GRM1: variants seen among roughly 807,000 people sequenced by gnomAD.
The protein encoded by GRM1 is glutamate metabotropic receptor 1.
A neutral mutation model predicts 90.9 loss-of-function variants in GRM1; 33 were observed. The observed-to-expected ratio is 0.36, with a 90% CI of 0.28 to 0.49. The LOEUF (loss-of-function observed/expected upper bound fraction) is 0.49. GRM1 is among the 20% of genes least tolerant of loss of function. The pLI is 0.99. For synonymous variants in GRM1, 700 were observed against 613.2 expected (o/e 1.14, Z -2.09); for missense variants, 1,190 against 1,534.3 (o/e 0.78, Z 3.75).
At chr6:146,324,677 G>A (rs112412563) in intron 3 of GRM1, among the ~76,000 whole-genome samples, 1,667 of 152,066 alleles carry the variant, frequency 0.011, 20 homozygotes, top group African/African-American at 0.039. Context: ...GCTAGGGGAG[G>A]GAGTTCCCTG....
chr6:146,052,265 A>G (rs1461427848), intron 1 of GRM1, among the ~76,000 whole-genome samples: 2 of 152,006 alleles, frequency 1.3e-5, no homozygotes, highest in African/African-American at 4.8e-5. Flanking sequence ...TTAGTCATTT[A>G]TGGGCCATAA....
At chr6:146,373,743 A>T (rs1775990631) in intron 5 of GRM1, among the ~76,000 whole-genome samples, 1 of 152,142 alleles carries the variant, frequency 6.6e-6, no homozygotes, top group Admixed American at 6.6e-5. Context: ...ATTGGTATAT[A>T]AGTTCTAATA....
intron 2 of GRM1, among the ~76,000 whole-genome samples, chr6:146,223,269 A>C (rs576244702): frequency 9.9e-5 from 15 of 152,248 alleles, no homozygotes; most frequent in South Asian, 6.2e-4. Context: ...TCTTATCTAA[A>C]TAACATCTAA....
chr6:146,266,604 A>C (rs1033479113), intron 2 of GRM1, among the ~76,000 whole-genome samples: 1 of 152,160 alleles, frequency 6.6e-6, no homozygotes, highest in Non-Finnish European at 1.5e-5. Flanking sequence ...CTTATCTCCA[A>C]CCACACTCCC....
chr6:146,287,638 A>G (rs77665613), intron 2 of GRM1, among the ~76,000 whole-genome samples: 2,791 of 152,308 alleles, frequency 0.018, 36 homozygotes, highest in Admixed American at 0.027. Context: ...GACCCAACTC[A>G]TGTTTACAAC....
chr6:146,255,773 C>T (rs143760718), intron 2 of GRM1, among the ~76,000 whole-genome samples: 1 of 152,232 alleles, frequency 6.6e-6, no homozygotes, highest in East Asian at 1.9e-4. Context: ...GCTACCATTC[C>T]ATAACTCCAT....
At chr6:146,172,978 C>G (rs183819957) in intron 2 of GRM1, among the ~76,000 whole-genome samples, 1 of 152,150 alleles carries the variant, frequency 6.6e-6, no homozygotes. Context: ...GGCGACATTT[C>G]TTCCTCTGAC....
intron 2 of GRM1, among the ~76,000 whole-genome samples, chr6:146,291,144 A>T (rs367979177): frequency 6.6e-4 from 100 of 152,136 alleles, no homozygotes; most frequent in African/African-American, 2.2e-3. Context: ...AAATTATGTT[A>T]GTTGGTTTCT....
At chr6:146,241,950 T>G (rs1269951151) in intron 2 of GRM1, among the ~76,000 whole-genome samples, 3 of 152,150 alleles carry the variant, frequency 2.0e-5, no homozygotes, top group African/African-American at 7.2e-5. Flanking sequence ...CAGGGAAGCC[T>G]TAGGCTTCTA....
intron 3 of GRM1, among the ~76,000 whole-genome samples, chr6:146,323,684 G>A (rs1188769057): frequency 6.6e-6 from 1 of 152,060 alleles, no homozygotes; most frequent in Non-Finnish European, 1.5e-5. Flanking sequence ...TGTCCTGAAT[G>A]GTATTGCCTA....
intron 7 of GRM1, among the ~76,000 whole-genome samples, chr6:146,403,067 T>G (rs1777214322): frequency 6.6e-6 from 1 of 152,142 alleles, no homozygotes; most frequent in African/African-American, 2.4e-5. Context: ...TCAGTAGACT[T>G]TAAAATATTG....
At chr6:146,105,538 TC>T (rs1777198003) in intron 1 of GRM1, among the ~76,000 whole-genome samples, 1 of 152,160 alleles carries the variant, frequency 6.6e-6, no homozygotes, top group Admixed American at 6.6e-5. Context: ...CATAAATGAT[TC>T]CTAGAAACTT....
At chr6:146,322,609 A>ATTTTATTTTATTTTATTTTTTT (rs1176762345) in intron 3 of GRM1, among the ~76,000 whole-genome samples, 1 of 150,268 alleles carries the variant, frequency 6.7e-6, no homozygotes, top group Admixed American at 6.6e-5. Context: ...ATTTTATTTT[A>ATTTTATTTTATTTTATTTTTTT]TTATTGTTAT....
Position 146,187,738 on chromosome 6 carries a change from C to CATATATATATAT in GRM1, c.950+28147_950+28158dup, listed in dbSNP as rs10656760. ...ATATCTACAACAACTAGGCACAAAA[C>CATATATATATAT]ATATATATATATATATAAAATTAGC... is the stretch of plus-strand genomic sequence containing the variant. On this transcript the variant is annotated intron_variant, in intron 2 of 7. Transcript: ENST00000282753. 1.7e-3 allele frequency among the ~76,000 whole-genome samples: 259 copies of CATATATATATAT among 148,520 alleles called. 2 individuals carry two copies. Among genetic ancestry groups the CATATATATATAT allele is most frequent in the African/African-American group, 5.7e-3 (231 of 40,624 alleles).
chr6:146,354,234 A>G (rs1785506317), intron 4 of GRM1, among the ~76,000 whole-genome samples: 2 of 152,210 alleles, frequency 1.3e-5, no homozygotes, highest in Non-Finnish European at 2.9e-5. Context: ...GCATGTGAAA[A>G]GCTTCGAGGA....
chr6:146,328,239 A>G (rs1784463558), intron 3 of GRM1, among the ~76,000 whole-genome samples: 1 of 152,182 alleles, frequency 6.6e-6, no homozygotes, highest in African/African-American at 2.4e-5. Flanking sequence ...AGGATTGTCA[A>G]TTAAACCATC....
intron 5 of GRM1, 31 bp from the exon 6 acceptor site, chr6:146,386,859 C>G: frequency 6.3e-7 from 1 of 1,580,922 alleles, no homozygotes; most frequent in Non-Finnish European, 8.7e-7. Flanking sequence ...GGAAAACTAT[C>G]TTTAAAATTC....
chr6:146,149,831 C>A (rs899930225), intron 1 of GRM1, among the ~76,000 whole-genome samples: 1 of 152,164 alleles, frequency 6.6e-6, no homozygotes, highest in Non-Finnish European at 1.5e-5. Flanking sequence ...CCTGCCAAAG[C>A]TGGAACAGAG....
intron 2 of GRM1, among the ~76,000 whole-genome samples, chr6:146,270,435 G>A (rs1353324040): frequency 2.0e-5 from 3 of 152,098 alleles, no homozygotes; most frequent in Non-Finnish European, 4.4e-5. Context: ...AGCAACATTG[G>A]AAAGATATGT....
Sources: gnomAD v4.1 joint callset for allele counts (sites outside exome capture counted in the v4.1 genomes callset) on GRCh38, gnomAD v4.1.1 for gene constraint, MANE v1.5 for transcripts, NCBI Gene and HGNC (gene_info 2026-07-23, HGNC 2026-07-21) for gene names.